Variants in GPN1 observed in about 807,000 individuals in gnomAD.
GPN1 encodes the protein ATP(GTP)-binding protein.
Under a neutral mutation model 55.9 loss-of-function variants are expected in GPN1, and 44 were observed. The observed-to-expected ratio is 0.79, with a 90% CI of 0.62 to 1.01. The LOEUF is 1.01. Among genes scored for constraint, GPN1 ranks in the 50% least tolerant of loss-of-function variants. The probability of loss-of-function intolerance (pLI) is 0.00; values close to 1 mark genes in which losing one functional copy is unlikely to be tolerated. For synonymous variants in GPN1, 179 were observed against 162.5 expected (o/e 1.10, Z -0.77); for missense variants, 466 against 462.8 (o/e 1.01, Z -0.06).
At chr2:27,631,735 G>A in intron 3 of GPN1, 99 bp from the exon 4 acceptor site, 5 of 785,512 alleles carry the variant, frequency 6.4e-6, no homozygotes, top group Non-Finnish European at 1.2e-5. Context: ...TCCATTAATG[G>A]AACACTAATT....
At chr2:27,628,983 C>G, upstream of GPN1, 1 of 1,588,492 alleles carries the variant, frequency 6.3e-7, no homozygotes, top group Non-Finnish European at 8.6e-7. Context: ...GGTTTTCGTT[C>G]GCAGCCCAGA....
chr2:27,648,139 G>A (rs1173538015), intron 13 of GPN1, among the ~76,000 whole-genome samples, 196 bp downstream of exon 13: 1 of 152,204 alleles, frequency 6.6e-6, no homozygotes, highest in Non-Finnish European at 1.5e-5. Context: ...CAGGCCTTTC[G>A]TTGGTCTTGT....
chr2:27,629,024 G>A, upstream of GPN1: 3 of 1,613,580 alleles, frequency 1.9e-6, no homozygotes, highest in African/African-American at 1.3e-5. Context: ...CCCATGCGGT[G>A]TCTCTATGGT....
intron 5 of GPN1, 107 bp downstream of exon 5, chr2:27,632,777 T>C: frequency 1.3e-6 from 1 of 795,294 alleles, no homozygotes; most frequent in Non-Finnish European, 2.1e-6. Flanking sequence ...TAGATTGAGA[T>C]GAAACCATTA....
At chr2:27,628,296 T>C (rs535235572), upstream of GPN1, 2 of 1,184,158 alleles carry the variant, frequency 1.7e-6, no homozygotes, top group South Asian at 1.6e-5. Context: ...TGGTCAGGAG[T>C]AGAAATAATT....
In GPN1 at chr2:27,639,049, C is replaced by T; in HGVS notation, c.717+18C>T. 1 of 1,581,146 alleles carries T rather than the reference C, an allele frequency of 6.3e-7. No individual in the cohort carries two copies. Among genetic ancestry groups the T allele is most frequent in the Non-Finnish European group, 8.6e-7 (1 of 1,158,400 alleles). ...CACTCAGGGTAAATTTTCTCTCCTG[C>T]TCACACTGACAGCCTCTCCAGATAA... On this transcript the variant is annotated intron_variant, in intron 9 of 13. Coordinates refer to ENST00000610189, the MANE Select transcript of GPN1 (RefSeq NM_007266.4).
intron 1 of GPN1, 100 bp from the exon 2 acceptor site, chr2:27,629,759 A>G: frequency 1.4e-6 from 1 of 721,710 alleles, no homozygotes; most frequent in Non-Finnish European, 2.5e-6. Context: ...GTAGAAGAAA[A>G]TCTAAGTGCA....
chr2:27,633,375 A>G (rs1673622112), intron 5 of GPN1, among the ~76,000 whole-genome samples: 1 of 152,124 alleles, frequency 6.6e-6, no homozygotes, highest in East Asian at 1.9e-4. Context: ...TAGTGATCTC[A>G]GCTCACTGTA....
Position 27,640,206 on chromosome 2 carries a change from C to A in GPN1, c.800+81C>A, listed in dbSNP as rs78146224. ...ATGAAAGCAGTTTTTCCAGGAAAAG[C>A]ATTACATTTTCATGATGGATGTATT... On this transcript the variant is annotated intron_variant, in intron 10 of 13. Transcript: ENST00000610189. 4.6e-3 allele frequency: 4,268 copies of A among 935,860 alleles called. 107 individuals carry two copies. In the African/African-American group the frequency reaches 0.06, roughly 13 times the overall value. 58.0% of individuals were successfully genotyped at this position (935,860 alleles called of 1,614,324 possible).
rs1453374710 is a variant in GPN1, at chr2:27,643,330, CTA to C, written c.931+817_931+818del. 1.3e-5 allele frequency among the ~76,000 whole-genome samples: 2 copies of C among 151,512 alleles called. No homozygotes were observed. The highest frequency in any genetic ancestry group is 2.4e-5 in the African/African-American group (1 of 41,266). Reference sequence around the variant, plus strand: ...CTACCATGTTTACTTTATTCTTTATCTATATATGACTTTATATGTTATATAAA... The same window carrying C: ...CTACCATGTTTACTTTATTCTTTATCTATATGACTTTATATGTTATATAAA... On this transcript the variant is annotated intron_variant, in intron 12 of 13. Transcript: ENST00000610189. This position sits in a 1 kb window ranked among gnomAD's most constrained non-coding sequence, Gnocchi z 4.0.
At chr2:27,640,639 G>A (rs1368271410) in intron 10 of GPN1, among the ~76,000 whole-genome samples, 1 of 152,220 alleles carries the variant, frequency 6.6e-6, no homozygotes, top group Non-Finnish European at 1.5e-5. Context: ...TATAACTATT[G>A]TCATTGTTAA....
chr2:27,630,143 C>T (rs1194806667), intron 2 of GPN1, among the ~76,000 whole-genome samples, 191 bp downstream of exon 2: 2 of 152,048 alleles, frequency 1.3e-5, no homozygotes, highest in African/African-American at 2.4e-5. Context: ...AAAAATTAGC[C>T]AGGCACGGTG....
At chr2:27,630,006 G>A in intron 2 of GPN1, 54 bp downstream of exon 2, 1 of 1,012,474 alleles carries the variant, frequency 9.9e-7, no homozygotes, top group South Asian at 1.3e-5. Flanking sequence ...GAATGGAAAA[G>A]GCCAGGCGTG....
chr2:27,635,377 T>C, intron 7 of GPN1, 143 bp downstream of exon 7: 3 of 603,072 alleles, frequency 5.0e-6, no homozygotes, highest in Admixed American at 6.6e-5. Context: ...GTTGAGTGGC[T>C]GTGAGCTGGG....
At chr2:27,641,186 G>A (rs1673932755) in intron 10 of GPN1, 54 bp from the exon 11 acceptor site, 1 of 1,158,680 alleles carries the variant, frequency 8.6e-7, no homozygotes, top group African/African-American at 1.5e-5. Flanking sequence ...GATGTGGAGA[G>A]TCAGTAGGAT....
chr2:27,635,103 C>A, intron 6 of GPN1, 37 bp from the exon 7 acceptor site: 2 of 1,224,904 alleles, frequency 1.6e-6, no homozygotes, highest in Non-Finnish European at 2.4e-6. Context: ...AGATCGTGAG[C>A]CCTCTGACCA....
intron 7 of GPN1, among the ~76,000 whole-genome samples, chr2:27,636,168 A>G (rs937686865): frequency 6.6e-6 from 1 of 152,184 alleles, no homozygotes; most frequent in African/African-American, 2.4e-5. Flanking sequence ...GTGAGCTGTG[A>G]TGATGTCACT....
At chr2:27,645,390 A>C (rs1306532482) in intron 12 of GPN1, among the ~76,000 whole-genome samples, 2 of 151,996 alleles carry the variant, frequency 1.3e-5, no homozygotes, top group Non-Finnish European at 2.9e-5. Flanking sequence ...TTCTCCTCCT[A>C]ATTTTTATTT....
intron 1 of GPN1, chr2:27,629,441 A>T (rs1673442899): frequency 6.5e-7 from 1 of 1,540,094 alleles, no homozygotes; most frequent in Admixed American, 2.0e-5. Context: ...CGTTTCTCGG[A>T]GGCAAGTTAC....
Sources: allele counts gnomAD v4.1 joint callset (sites outside exome capture counted in the v4.1 genomes callset), GRCh38; gene constraint gnomAD v4.1.1; non-coding constraint Gnocchi (gnomAD v3.1); transcripts MANE v1.5; gene names NCBI Gene and HGNC (gene_info 2026-07-23, HGNC 2026-07-21).